Variants in FGF12 observed in about 807,000 individuals in gnomAD.
The protein encoded by FGF12 is fibroblast growth factor 12B.
In FGF12, 14 loss-of-function variants were observed where a neutral mutation model predicts 23.6. That is an observed-to-expected ratio of 0.59 (90% CI 0.39 to 0.93). FGF12 has a LOEUF of 0.93. FGF12 is among the 40% of genes least tolerant of loss of function. The pLI is 0.00. For synonymous variants in FGF12, 62 were observed against 77.3 expected, an observed-to-expected ratio of 0.80 and a Z score of 1.04; for missense variants, 175 against 217.8, an observed-to-expected ratio of 0.80 and a Z score of 1.24.
intron 2 of FGF12, among the ~76,000 whole-genome samples, chr3:192,669,602 TAAAAAAAA>T (rs59897483): frequency 8.4e-5 from 5 of 59,526 alleles, no homozygotes; most frequent in Non-Finnish European, 1.3e-4. Flanking sequence ...GACTCTGTCT[TAAAAAAAA>T]AAAAAAAAAA....
intron 2 of FGF12, among the ~76,000 whole-genome samples, chr3:192,620,903 A>G (rs1436064213): frequency 3.3e-5 from 5 of 152,278 alleles, no homozygotes; most frequent in East Asian, 1.9e-4. Flanking sequence ...AGGTCTACGT[A>G]TATACCAGTA....
intron 4 of FGF12, among the ~76,000 whole-genome samples, chr3:192,273,432 G>A (rs917693212): frequency 1.3e-5 from 2 of 152,056 alleles, no homozygotes; most frequent in African/African-American, 4.8e-5. Flanking sequence ...CTGGGTTATG[G>A]GCACAGACAA....
In FGF12 at chr3:192,283,565, T is replaced by C. The variant is rs1031837035; in HGVS notation, c.228+51796A>G. On this transcript the variant is annotated intron_variant, in intron 4 of 5. Transcript: ENST00000445105. ...GTTAGAATAGTTATTTGTGTACACA[T>C]GTTATCACTCCTGGTTGGGAGAGAA... Among the ~76,000 whole-genome samples, 9 of 152,220 alleles carry C rather than the reference T, an allele frequency of 5.9e-5. 2 individuals carry two copies.
intron 2 of FGF12, among the ~76,000 whole-genome samples, chr3:192,517,579 A>G (rs1333742445): frequency 6.6e-6 from 1 of 152,234 alleles, no homozygotes; most frequent in Non-Finnish European, 1.5e-5. Flanking sequence ...TATTACATTT[A>G]TAGATTGTTT....
intron 2 of FGF12, among the ~76,000 whole-genome samples, chr3:192,476,117 A>G (rs1723316506): frequency 3.3e-5 from 5 of 152,132 alleles, no homozygotes; most frequent in Admixed American, 2.0e-4. Context: ...ATGACACCCG[A>G]AAGACTTTCC....
chr3:192,460,799 A>G (rs1722841524), intron 2 of FGF12, among the ~76,000 whole-genome samples: 1 of 151,930 alleles, frequency 6.6e-6, no homozygotes, highest in Admixed American at 6.6e-5. Flanking sequence ...GAGCACTCTA[A>G]GCTGGTTAGG....
chr3:192,702,106 T>C (rs1013256716), intron 2 of FGF12, among the ~76,000 whole-genome samples: 5 of 152,230 alleles, frequency 3.3e-5, no homozygotes, highest in Admixed American at 3.3e-4. Context: ...CACGTATAAG[T>C]GAGATCATGC....
intron 2 of FGF12, among the ~76,000 whole-genome samples, chr3:192,618,217 A>ATTC (rs562193542): frequency 5.2e-4 from 79 of 151,716 alleles, no homozygotes; most frequent in Non-Finnish European, 9.7e-4. Context: ...AAAAGAGTAC[A>ATTC]TTCTTTTATA....
intron 2 of FGF12, among the ~76,000 whole-genome samples, chr3:192,561,375 T>A (rs1302753137): frequency 6.6e-6 from 1 of 152,100 alleles, no homozygotes; most frequent in Non-Finnish European, 1.5e-5. Flanking sequence ...TTTTCTTTTT[T>A]TTTTTGAGAC....
intron 2 of FGF12, among the ~76,000 whole-genome samples, chr3:192,464,851 C>G (rs1475357352): frequency 1.5e-4 from 23 of 152,138 alleles, no homozygotes; most frequent in Non-Finnish European, 2.9e-5. Flanking sequence ...GCAGACACAC[C>G]TCTGAGAGGT....
intron 2 of FGF12, among the ~76,000 whole-genome samples, chr3:192,588,356 A>AT: frequency 7.3e-6 from 1 of 137,734 alleles, no homozygotes; most frequent in Admixed American, 7.2e-5. Flanking sequence ...TCTCAAAAAA[A>AT]AAAAAAAAAA....
chr3:192,148,911 T>C (rs980063505), intron 5 of FGF12, among the ~76,000 whole-genome samples: 1 of 152,152 alleles, frequency 6.6e-6, no homozygotes, highest in Non-Finnish European at 1.5e-5. Context: ...GCACGTACAA[T>C]GTAGCTAGTC....
intron 2 of FGF12, among the ~76,000 whole-genome samples, chr3:192,384,631 C>A (rs890565678): frequency 2.5e-4 from 38 of 152,152 alleles, no homozygotes; most frequent in African/African-American, 8.9e-4. Context: ...TATGAAAATT[C>A]TTAAAGAGAA....
At chr3:192,392,591 C>CGAGAGAGAGAGAGA (rs67784749) in intron 2 of FGF12, among the ~76,000 whole-genome samples, 2 of 41,868 alleles carry the variant, frequency 4.8e-5, no homozygotes, top group African/African-American at 1.2e-4. Context: ...AGTGAAACTC[C>CGAGAGAGAGAGAGA]GAGAGAGAGA....
intron 2 of FGF12, among the ~76,000 whole-genome samples, chr3:192,638,721 G>A (rs1715677282): frequency 6.6e-6 from 1 of 152,176 alleles, no homozygotes; most frequent in South Asian, 2.1e-4. Context: ...TTAGTTCTCT[G>A]TTTTATAGAT....
At chr3:192,181,486 C>G (rs1180579506) in intron 4 of FGF12, among the ~76,000 whole-genome samples, 2 of 152,048 alleles carry the variant, frequency 1.3e-5, no homozygotes, top group Non-Finnish European at 2.9e-5. Flanking sequence ...ATGTAATACA[C>G]TCTACAATGT....
intron 4 of FGF12, among the ~76,000 whole-genome samples, chr3:192,220,746 C>G (rs1464240464): frequency 3.3e-5 from 5 of 152,074 alleles, no homozygotes; most frequent in Non-Finnish European, 5.9e-5. Flanking sequence ...AATATTGGTT[C>G]ATTGAAAAGA....
At position 192,218,963 on chromosome 3, in the gene FGF12, A is replaced by G. The variant is rs186017201; in HGVS notation, c.229-48307T>C. ...CGGCTGCCTATTGTGACCCCTAGCTAGATGTTGCCCTAGTTGTGTAGCTGG... is the reference window on the plus strand; with the variant it reads ...CGGCTGCCTATTGTGACCCCTAGCTGGATGTTGCCCTAGTTGTGTAGCTGG... On this transcript the variant is annotated intron_variant, in intron 4 of 5. Coordinates refer to ENST00000445105, the MANE Select transcript of FGF12 (RefSeq NM_004113.6). Among the ~76,000 whole-genome samples the G allele has an allele frequency of 2.6e-3, 396 of 152,340 alleles. 1 individual carries two copies. Among genetic ancestry groups the G allele is most frequent in the Admixed American group, 3.0e-3 (46 of 15,308 alleles).
intron 4 of FGF12, among the ~76,000 whole-genome samples, chr3:192,225,400 A>G (rs1384398013): frequency 6.6e-6 from 1 of 152,044 alleles, no homozygotes; most frequent in Non-Finnish European, 1.5e-5. Flanking sequence ...ATGCTAATCA[A>G]TCCTACTCTT....
Sources: allele counts gnomAD v4.1 joint callset (sites outside exome capture counted in the v4.1 genomes callset), GRCh38; gene constraint gnomAD v4.1.1; transcripts MANE v1.5; gene names NCBI Gene and HGNC (gene_info 2026-07-23, HGNC 2026-07-21).